CSNK1G1: variants seen among roughly 807,000 people sequenced by gnomAD.
The protein encoded by CSNK1G1 is casein kinase 1 gamma 1, also known as casein kinase I isoform gamma-1.
CSNK1G1 carries 22 observed loss-of-function variants against 59.6 expected under a neutral mutation model. The ratio of observed to expected loss-of-function variants is 0.37; its 90% CI spans 0.26 to 0.53. The LOEUF (loss-of-function observed/expected upper bound fraction) is 0.53, where lower values mean the gene tolerates loss of function less well. CSNK1G1 is among the 20% of genes least tolerant of loss of function. CSNK1G1 has a pLI of 0.89. For missense variants in CSNK1G1, 384 were observed against 519.5 expected (o/e 0.74, Z 2.54); for synonymous variants, 179 against 177.1 (o/e 1.01, Z -0.08).
At chr15:64,259,977 T>C (rs550009009) in intron 2 of CSNK1G1, among the ~76,000 whole-genome samples, 2 of 152,246 alleles carry the variant, frequency 1.3e-5, no homozygotes, top group Non-Finnish European at 2.9e-5. Flanking sequence ...CTTGGAATGA[T>C]GATGAGGGCC....
At chr15:64,297,141 T>C (rs1168827932) in intron 2 of CSNK1G1, among the ~76,000 whole-genome samples, 1 of 151,758 alleles carries the variant, frequency 6.6e-6, no homozygotes, top group Non-Finnish European at 1.5e-5. Context: ...TATATTCAAG[T>C]AAGGAGAGGC....
chr15:64,172,515 T>G (rs2081685677), intron 11 of CSNK1G1, among the ~76,000 whole-genome samples: 1 of 152,124 alleles, frequency 6.6e-6, no homozygotes, highest in Non-Finnish European at 1.5e-5. Flanking sequence ...AAGGATTCTC[T>G]CCATCCCCCT....
At chr15:64,299,891 A>G (rs888605665) in intron 2 of CSNK1G1, among the ~76,000 whole-genome samples, 1 of 152,162 alleles carries the variant, frequency 6.6e-6, no homozygotes, top group Non-Finnish European at 1.5e-5. Flanking sequence ...TTACTGAGTA[A>G]GGATTTACTC....
chr15:64,204,410 G>GT (rs1338150382), intron 9 of CSNK1G1, 31 bp downstream of exon 9: 3 of 1,352,416 alleles, frequency 2.2e-6, no homozygotes, highest in Non-Finnish European at 3.0e-6. Flanking sequence ...AGGTAATGAG[G>GT]TTAAAAAAAA....
At chr15:64,290,248 T>C (rs1355902272) in intron 2 of CSNK1G1, among the ~76,000 whole-genome samples, 1 of 152,062 alleles carries the variant, frequency 6.6e-6, no homozygotes, top group Admixed American at 6.6e-5. Flanking sequence ...AAAAGACACC[T>C]GCATATGTTA....
rs1462653299 is a variant in CSNK1G1, at chr15:64,204,945, T to G, written c.770A>C (p.Asp257Ala). The G allele has an allele frequency of 1.7e-5, 27 of 1,584,808 alleles. No individual in the cohort carries two copies. The highest frequency in any genetic ancestry group is 2.2e-5 in the Non-Finnish European group (25 of 1,153,720). Residue 257 changes from aspartate (D) to alanine (A), a missense_variant, in exon 8 of 12, where the codon GAC becomes GCC. Physicochemically the swap from Asp to Ala is moderately radical, Grantham distance 126. Transcript: ENST00000303052. The stretch of plus-strand genomic sequence containing the variant: ...TTTTTGATATCTCTCTTTTAATGTG[T>G]CAGCCTGTAGAGAGTAAAGAGAGAA... ...GSLPWQGLKA[D>A]TLKERYQKIG... is the part of the protein sequence containing the mutation.
chr15:64,320,678 C>CAAAA (rs1031206646), intron 1 of CSNK1G1, among the ~76,000 whole-genome samples: 2 of 43,138 alleles, frequency 4.6e-5, no homozygotes, highest in African/African-American at 7.9e-5. Flanking sequence ...GGCTCCATCA[C>CAAAA]AAAAAAAAAA....
intron 3 of CSNK1G1, among the ~76,000 whole-genome samples, chr15:64,257,020 A>C (rs781560779): frequency 6.6e-6 from 1 of 152,032 alleles, no homozygotes; most frequent in African/African-American, 2.4e-5. Context: ...TACTGCCTTC[A>C]TATCTTCCTT....
intron 2 of CSNK1G1, among the ~76,000 whole-genome samples, chr15:64,287,133 A>C (rs1243328180): frequency 6.6e-6 from 1 of 152,186 alleles, no homozygotes; most frequent in Non-Finnish European, 1.5e-5. Context: ...TAATAGAAAT[A>C]GCTACTTGTG....
intron 1 of CSNK1G1, among the ~76,000 whole-genome samples, chr15:64,331,650 T>C (rs1242374100): frequency 0.014 from 1,796 of 125,446 alleles, 14 homozygotes; most frequent in Middle Eastern, 0.03. Context: ...CCAAAAGCAA[T>C]GGCAACAAAA....
intron 10 of CSNK1G1, among the ~76,000 whole-genome samples, chr15:64,192,802 C>G (rs928348448): frequency 5.3e-5 from 7 of 132,358 alleles, no homozygotes; most frequent in African/African-American, 2.1e-4. Context: ...GAGATTGTGC[C>G]ACCACACTCC....
intron 10 of CSNK1G1, among the ~76,000 whole-genome samples, chr15:64,186,395 G>A (rs1433379406): frequency 2.0e-5 from 3 of 152,220 alleles, no homozygotes; most frequent in African/African-American, 7.2e-5. Context: ...ACAGGCATGA[G>A]CTATTGCACA....
chr15:64,241,649 G>C (rs1221983064), intron 4 of CSNK1G1, among the ~76,000 whole-genome samples: 1 of 151,994 alleles, frequency 6.6e-6, no homozygotes, highest in African/African-American at 2.4e-5. Flanking sequence ...AATAACAAGA[G>C]GAACTTTAGA....
At chr15:64,311,519 G>A (rs1488517566) in intron 1 of CSNK1G1, among the ~76,000 whole-genome samples, 1 of 152,146 alleles carries the variant, frequency 6.6e-6, no homozygotes, top group Non-Finnish European at 1.5e-5. Context: ...CAGGTGTGGT[G>A]TCACACACAT....
At chr15:64,313,114 G>A (rs1216934823) in intron 1 of CSNK1G1, among the ~76,000 whole-genome samples, 6 of 152,208 alleles carry the variant, frequency 3.9e-5, no homozygotes, top group African/African-American at 1.4e-4. Context: ...ATGCTGGAGA[G>A]GATGTGGAGA....
In CSNK1G1 at chr15:64,214,151, A is replaced by G. The variant is rs1361440285; in HGVS notation, c.445-27T>C. The stretch of plus-strand genomic sequence containing the variant: ...TGAAAGAGAAACAAATGATAGAAAG[A>G]CTGTAAAGAAGTATATCAGGAAAAT... On this transcript the variant is annotated intron_variant, in intron 5 of 11. Transcript: ENST00000303052. This position sits in a 1 kb window ranked among gnomAD's most constrained non-coding sequence, Gnocchi z 4.3. 1.3e-6 allele frequency: 2 copies of G among 1,495,268 alleles called. No homozygotes were observed. The highest frequency in any genetic ancestry group is 1.9e-6 in the Non-Finnish European group (2 of 1,072,144). 92.6% of individuals were successfully genotyped at this position (1,495,268 alleles called of 1,614,324 possible).
intron 2 of CSNK1G1, among the ~76,000 whole-genome samples, chr15:64,260,599 G>T (rs1355204544): frequency 6.6e-6 from 1 of 151,948 alleles, no homozygotes; most frequent in Non-Finnish European, 1.5e-5. Context: ...TTAGCCGGGG[G>T]TGGTGGTGAA....
At chr15:64,348,336 A>G (rs922793459) in intron 1 of CSNK1G1, 1 of 152,222 alleles carries the variant, frequency 6.6e-6, no homozygotes, top group Non-Finnish European at 1.5e-5. Context: ...TAATGTATCA[A>G]TATTATTTCA....
chr15:64,217,420 T>C (rs2082326154), intron 4 of CSNK1G1, among the ~76,000 whole-genome samples: 1 of 152,240 alleles, frequency 6.6e-6, no homozygotes, highest in East Asian at 1.9e-4. Flanking sequence ...CCAGACTTTC[T>C]CACCTAAGTG....
Sources: gnomAD v4.1 joint callset for allele counts (sites outside exome capture counted in the v4.1 genomes callset) on GRCh38, gnomAD v4.1.1 for gene constraint, Gnocchi (gnomAD v3.1) non-coding constraint, MANE v1.5 for transcripts, NCBI Gene and HGNC (gene_info 2026-07-23, HGNC 2026-07-21) for gene names.